The following RHOBTB1 variants were observed in gnomAD, a reference collection of about 807,000 sequenced individuals.
RHOBTB1 encodes the protein Rho related BTB domain containing 1.
Under a neutral mutation model 71.6 loss-of-function variants are expected in RHOBTB1, and 40 were observed. That is an observed-to-expected ratio of 0.56 (90% CI 0.43 to 0.73). RHOBTB1 has a LOEUF of 0.73. Ranked by LOEUF, RHOBTB1 falls within the 30% of genes least tolerant of loss-of-function variation. The pLI is 0.00. For synonymous variants in RHOBTB1, 319 were observed against 334.9 expected (o/e 0.95, Z 0.52); for missense variants, 797 against 894.0 (o/e 0.89, Z 1.38).
At chr10:60,982,441 A>G (rs1181230532) in intron 2 of RHOBTB1, among the ~76,000 whole-genome samples, 1 of 152,196 alleles carries the variant, frequency 6.6e-6, no homozygotes, top group African/African-American at 2.4e-5. Context: ...TGCTCATTGC[A>G]TATATTACTT....
chr10:60,911,529 A>C lies in RHOBTB1; in HGVS notation c.14T>G (p.Met5Arg). 1.2e-6 allele frequency: 2 copies of C among 1,614,082 alleles called. No individual in the cohort carries two copies. The highest frequency in any genetic ancestry group is 1.1e-5 in the South Asian group (1 of 91,084). ...TTCAACGTTGGGTCTTTCGTAGTCCATGTCAGCGTCCATTTATGAAACTCT... is the reference window on the plus strand; with the variant it reads ...TTCAACGTTGGGTCTTTCGTAGTCCCTGTCAGCGTCCATTTATGAAACTCT... The part of the protein sequence containing the change: MDAD[M>R]DYERPNVETI... The change falls in exon 3 of 11, where the codon ATG (methionine) becomes AGG (arginine). Residue 5 changes from methionine to arginine, a missense_variant. Physicochemically the swap from Met to Arg is moderately conservative, Grantham distance 91 (BLOSUM62 -1). Coordinates refer to ENST00000337910, the MANE Select transcript of RHOBTB1 (RefSeq NM_014836.5).
At chr10:60,948,343 A>G (rs1273201041), upstream of RHOBTB1, among the ~76,000 whole-genome samples, 10 of 152,368 alleles carry the variant, frequency 6.6e-5, no homozygotes, top group East Asian at 9.6e-4. Flanking sequence ...TAAGAGAAGT[A>G]CTTACATAAA....
chr10:60,892,627 A>T (rs536909686), intron 5 of RHOBTB1, among the ~76,000 whole-genome samples, 183 bp downstream of exon 5: 1 of 152,274 alleles, frequency 6.6e-6, no homozygotes, highest in African/African-American at 2.4e-5. Flanking sequence ...GACACCAGAG[A>T]TGATGGTGCC....
chr10:60,862,642 T>C, the RHOBTB1 span, among the ~76,000 whole-genome samples: 3 of 150,432 alleles, frequency 2.0e-5, no homozygotes, highest in Non-Finnish European at 4.4e-5. Flanking sequence ...TCTTTTTCCT[T>C]TCTCCCTTTC....
rs756594632 is a variant in RHOBTB1 at position 60,888,536 on chromosome 10, A to G, written c.1132T>C (p.Phe378Leu). 6.2e-7 allele frequency: 1 copy of G among 1,614,082 alleles called. No individual in the cohort carries two copies. The highest frequency in any genetic ancestry group is 2.2e-5 in the East Asian group (1 of 44,846). Residue 378 changes from phenylalanine to leucine, a missense_variant, in exon 6 of 11, where the codon TTC becomes CTC. Coordinates refer to ENST00000337910, the MANE Select transcript of RHOBTB1 (RefSeq NM_014836.5). ...TGCATTTCCCTGTGCATGCCAATGAACCCCTTACTCCATCCGGTCAAAGTC... is the reference window on the plus strand; with the variant it reads ...TGCATTTCCCTGTGCATGCCAATGAGCCCCTTACTCCATCCGGTCAAAGTC... Reference protein sequence around the residue: ...TQTLTGWSKGFIGMHREMQVN... With the variant: ...TQTLTGWSKGLIGMHREMQVN...
At chr10:60,913,867 G>A (rs1358615512) in intron 2 of RHOBTB1, among the ~76,000 whole-genome samples, 1 of 152,020 alleles carries the variant, frequency 6.6e-6, no homozygotes, top group Non-Finnish European at 1.5e-5. Context: ...CTGTTAAGTG[G>A]GTATCATAAA....
Position 60,911,365 on chromosome 10 carries a change from G to T in RHOBTB1, c.178C>A (p.Arg60Ser), listed in dbSNP as rs369069093. The change falls in exon 3 of 11, where the codon CGC becomes AGC. Residue 60 changes from arginine (R) to serine (S), a missense_variant. Physicochemically the swap from Arg to Ser is moderately radical, Grantham distance 110. This residue lies in a region of RHOBTB1 where 139 missense variants were observed against 212.5 expected (regional missense o/e 0.65). Transcript: ENST00000337910. Reference sequence around the variant, plus strand: ...GTGCATCTTACCTCCTGGCACACGCGGTACTGGTCAATCGCCCACACTGTT... The same window carrying T: ...GTGCATCTTACCTCCTGGCACACGCTGTACTGGTCAATCGCCCACACTGTT... ...VPTVWAIDQY[R>S]VCQEVLERSR... 4 of 1,612,616 alleles carry T rather than the reference G, an allele frequency of 2.5e-6. No individual in the cohort carries two copies. Among genetic ancestry groups the T allele is most frequent in the Non-Finnish European group, 3.4e-6 (4 of 1,178,846 alleles).
upstream of RHOBTB1, among the ~76,000 whole-genome samples, chr10:60,947,088 A>G (rs2085262014): frequency 6.6e-6 from 1 of 152,222 alleles, no homozygotes; most frequent in Non-Finnish European, 1.5e-5. Flanking sequence ...AAAATGCAGC[A>G]AGTAGTACAG....
chr10:60,985,325 C>T (rs1460949940), intron 2 of RHOBTB1, among the ~76,000 whole-genome samples: 2 of 152,098 alleles, frequency 1.3e-5, no homozygotes, highest in Non-Finnish European at 2.9e-5. Context: ...TTTTCAAAAG[C>T]TGATTTTACT....
intron 2 of RHOBTB1, among the ~76,000 whole-genome samples, chr10:60,971,963 G>T (rs775308142): frequency 1.4e-4 from 21 of 152,170 alleles, no homozygotes; most frequent in Non-Finnish European, 2.5e-4. Context: ...GGTCATTAGA[G>T]AAATGCAAAT....
At chr10:60,911,122 T>A in intron 3 of RHOBTB1, 132 bp from the exon 4 acceptor site, 1 of 785,522 alleles carries the variant, frequency 1.3e-6, no homozygotes, top group Non-Finnish European at 2.1e-6. Flanking sequence ...TGACGGGATT[T>A]AAGCTAAGTC....
intron 1 of RHOBTB1, among the ~76,000 whole-genome samples, chr10:60,989,509 C>T (rs191371561): frequency 1.1e-3 from 164 of 152,270 alleles, no homozygotes; most frequent in African/African-American, 3.9e-3. Context: ...CTCCAGTTGC[C>T]CGCTAATCTC....
intron 2 of RHOBTB1, among the ~76,000 whole-genome samples, chr10:60,929,378 A>T (rs2133930419): frequency 6.6e-6 from 1 of 152,232 alleles, no homozygotes; most frequent in East Asian, 1.9e-4. Flanking sequence ...GACTTGGGCC[A>T]AATTGATATT....
chr10:60,867,207 G>A (rs1271095199), downstream of RHOBTB1, among the ~76,000 whole-genome samples: 1 of 152,116 alleles, frequency 6.6e-6, no homozygotes, highest in African/African-American at 2.4e-5. Context: ...TTCCAGGGGA[G>A]TATCACCCTA....
intron 2 of RHOBTB1, among the ~76,000 whole-genome samples, chr10:60,962,588 G>A (rs10994583): frequency 0.013 from 1,937 of 152,082 alleles, 43 homozygotes; most frequent in African/African-American, 0.044. Context: ...ATTTTTTTCT[G>A]TATAAAATAA....
At chr10:60,906,752 T>C (rs1339723163) in intron 4 of RHOBTB1, among the ~76,000 whole-genome samples, 2 of 152,180 alleles carry the variant, frequency 1.3e-5, no homozygotes, top group Non-Finnish European at 2.9e-5. Context: ...TTATTCAGTG[T>C]CTGAAGGTTC....
chr10:60,871,474 C>G lies in RHOBTB1; in HGVS notation c.*8G>C. 3 of 1,604,876 alleles carry G rather than the reference C, an allele frequency of 1.9e-6. No individual in the cohort carries two copies. Among genetic ancestry groups the G allele is most frequent in the Non-Finnish European group, 2.5e-6 (3 of 1,176,598 alleles). Reference sequence around the variant, plus strand: ...GGTTTCTGTTTTTTGTTTTTTTTCTCTTCCTCTTCAGGCCACTGCTGGAGA... The same window carrying G: ...GGTTTCTGTTTTTTGTTTTTTTTCTGTTCCTCTTCAGGCCACTGCTGGAGA... On this transcript the variant is annotated 3_prime_UTR_variant, in exon 11 of 11. Transcript: ENST00000337910.
rs2080700149 is a variant in RHOBTB1, at chr10:60,869,872, A to G, written c.*1610T>C. ...GATGCATTTCTGGGCCTCTCCTAAG[A>G]TCTTCTATCTGGTGTTTCCACTGCC... On this transcript the variant is annotated 3_prime_UTR_variant, in exon 11 of 11. Transcript: ENST00000337910. The G allele has an allele frequency of 6.6e-6, 1 of 152,604 alleles. No homozygotes were observed. The highest frequency in any genetic ancestry group is 6.5e-5 in the Admixed American group (1 of 15,282). The allele number at this position is 152,604 out of a possible 1,614,324, so 9.5% of individuals were successfully genotyped here.
intron 2 of RHOBTB1, among the ~76,000 whole-genome samples, chr10:60,913,603 G>A (rs1296927446): frequency 6.6e-6 from 1 of 152,172 alleles, no homozygotes; most frequent in Non-Finnish European, 1.5e-5. Context: ...GCAGTGTCTG[G>A]AAACGTGTCT....
Sources: gnomAD v4.1 joint callset for allele counts (sites outside exome capture counted in the v4.1 genomes callset) on GRCh38, gnomAD v4.1.1 for gene constraint, gnomAD v4.1.1 regional missense constraint, MANE v1.5 for transcripts, NCBI Gene and HGNC (gene_info 2026-07-23, HGNC 2026-07-21) for gene names.